Variants in NPAT observed in about 807,000 individuals in gnomAD.
The protein encoded by NPAT is protein NPAT.
In NPAT, 52 loss-of-function variants were observed where a neutral mutation model predicts 130.7. The observed-to-expected ratio is 0.40, with a 90% CI of 0.32 to 0.50. NPAT has a LOEUF of 0.50. Ranked by LOEUF, NPAT falls within the 20% of genes least tolerant of loss-of-function variation. The pLI, the probability that NPAT is intolerant of heterozygous loss-of-function variation, is 0.68. For missense variants in NPAT, 1,687 were observed against 1,662.6 expected (o/e 1.01, Z -0.26); for synonymous variants, 580 against 584.8 (o/e 0.99, Z 0.12).
At chr11:108,168,656 T>C (rs1436990019) in intron 15 of NPAT, among the ~76,000 whole-genome samples, 1 of 152,192 alleles carries the variant, frequency 6.6e-6, no homozygotes, top group African/African-American at 2.4e-5. Context: ...AATATCCACC[T>C]CAGCCACCGC....
At chr11:108,192,000 G>T in intron 4 of NPAT, 118 bp downstream of exon 4, 1 of 776,072 alleles carries the variant, frequency 1.3e-6, no homozygotes, top group African/African-American at 1.7e-5. Context: ...GCAACCTCTA[G>T]AGTAATTTCA....
chr11:108,221,517 G>C (rs906866037), intron 1 of NPAT, among the ~76,000 whole-genome samples: 1 of 152,182 alleles, frequency 6.6e-6, no homozygotes, highest in Non-Finnish European at 1.5e-5. Flanking sequence ...TGCTTATCAA[G>C]AGCCCTGCGC....
At chr11:108,181,242 T>A (rs2078055343) in intron 10 of NPAT, among the ~76,000 whole-genome samples, 1 of 152,172 alleles carries the variant, frequency 6.6e-6, no homozygotes, top group African/African-American at 2.4e-5. Flanking sequence ...GGCGGGCAGA[T>A]CACCCGAGGT....
rs576907082 is a variant in NPAT, at chr11:108,188,125, C to G, written c.611G>C (p.Ser204Thr). 1 of 1,612,420 alleles carries G rather than the reference C, an allele frequency of 6.2e-7. No individual in the cohort carries two copies. The highest frequency in any genetic ancestry group is 1.1e-5 in the South Asian group (1 of 91,036). The change falls in exon 7 of 18, where the codon AGT becomes ACT. Residue 204 changes from serine to threonine, a missense_variant. Ser to Thr is a moderately conservative substitution (Grantham distance 58). This residue lies in a region of NPAT where 307 missense variants were observed against 298.9 expected (regional missense o/e 1.03). Coordinates refer to ENST00000278612, the MANE Select transcript of NPAT (RefSeq NM_002519.3). ...PGAQEKKAHA[S>T]LMSPGRRKSE... ...TTTGCGTCTACCGGGAGACATTAAA[C>G]TGGCATGTGCTTTCTTTTCCTGAGC...
At chr11:108,188,003 C>T (rs576276611) in intron 7 of NPAT, 95 bp downstream of exon 7, 8 of 842,242 alleles carry the variant, frequency 9.5e-6, no homozygotes, top group Middle Eastern at 2.3e-4. Context: ...TAATCTGGTC[C>T]TATTAGTTTA....
chr11:108,203,426 C>T (rs1425074980), intron 1 of NPAT, among the ~76,000 whole-genome samples: 1 of 152,146 alleles, frequency 6.6e-6, no homozygotes, highest in African/African-American at 2.4e-5. Context: ...CTTCTTTCTA[C>T]TCCTATGGCA....
rs1383157888 is a variant in NPAT at position 108,160,910 on chromosome 11, T to C, written c.4176A>G (p.Ser1392=). Residue 1392 remains serine (S), a synonymous_variant, in exon 17 of 18, where the codon TCA becomes TCG. Transcript: ENST00000278612. ...SRPSSKNLTN[S]SIPMKKKKIK... ...TTTTCTTCTTTTTCATTGGTATTGA[T>C]GAATTTGTAAGATTTTTACTAGAAG... The C allele has an allele frequency of 1.9e-6, 3 of 1,614,064 alleles. No homozygotes were observed. Among genetic ancestry groups the C allele is most frequent in the Non-Finnish European group, 2.5e-6 (3 of 1,179,982 alleles).
intron 14 of NPAT, 29 bp downstream of exon 14, chr11:108,169,899 C>A: frequency 6.2e-7 from 1 of 1,608,166 alleles, no homozygotes; most frequent in Non-Finnish European, 8.5e-7. Flanking sequence ...AAAAGCATCA[C>A]CACACCATTT....
intron 13 of NPAT, 148 bp from the exon 14 acceptor site, chr11:108,170,191 CA>C (rs2077937612): frequency 2.0e-6 from 1 of 506,364 alleles, no homozygotes; most frequent in African/African-American, 2.0e-5. Context: ...AAAAACAAAA[CA>C]AAACAAAACA....
intron 1 of NPAT, among the ~76,000 whole-genome samples, chr11:108,206,897 A>T (rs886610443): frequency 6.6e-6 from 1 of 151,208 alleles, no homozygotes; most frequent in Non-Finnish European, 1.5e-5. Context: ...CCCCACGAGT[A>T]TCCAGCTCTC....
intron 1 of NPAT, among the ~76,000 whole-genome samples, chr11:108,203,685 C>G (rs1230638786): frequency 3.9e-5 from 6 of 152,176 alleles, no homozygotes; most frequent in Non-Finnish European, 8.8e-5. Flanking sequence ...GCCAAGGACC[C>G]CTTAATCCTG....
chr11:108,221,606 G>A (rs1204111755), intron 1 of NPAT, among the ~76,000 whole-genome samples: 1 of 152,210 alleles, frequency 6.6e-6, no homozygotes, highest in African/African-American at 2.4e-5. Flanking sequence ...TAAAATAATA[G>A]TAGTAATGGC....
chr11:108,221,170 A>C (rs1484110333), intron 1 of NPAT, among the ~76,000 whole-genome samples: 3 of 152,154 alleles, frequency 2.0e-5, no homozygotes, highest in African/African-American at 7.2e-5. Context: ...AGACATTTTC[A>C]CTGATCACAA....
At chr11:108,167,210 C>T (rs992971996) in intron 15 of NPAT, among the ~76,000 whole-genome samples, 1 of 152,112 alleles carries the variant, frequency 6.6e-6, no homozygotes, top group African/African-American at 2.4e-5. Context: ...CAAATCTTTA[C>T]ACCTATCTCT....
intron 1 of NPAT, among the ~76,000 whole-genome samples, chr11:108,212,061 T>C (rs1183233594): frequency 1.3e-5 from 2 of 150,672 alleles, no homozygotes; most frequent in Non-Finnish European, 1.5e-5. Flanking sequence ...CTCAACCTCA[T>C]AGAGTTATCT....
chr11:108,184,489 T>G (rs1227918632), intron 10 of NPAT, among the ~76,000 whole-genome samples: 1 of 149,844 alleles, frequency 6.7e-6, no homozygotes, highest in Non-Finnish European at 1.5e-5. Flanking sequence ...AAAAAAGTCT[T>G]GTTCATTTTA....
chr11:108,199,466 A>C (rs2078254609), intron 1 of NPAT, among the ~76,000 whole-genome samples: 1 of 152,190 alleles, frequency 6.6e-6, no homozygotes, highest in African/African-American at 2.4e-5. Flanking sequence ...GCGGCACTGA[A>C]TGGATCCTGT....
At position 108,192,187 on chromosome 11, in the gene NPAT, G is replaced by A. The variant is rs2078176418; in HGVS notation, c.221C>T (p.Thr74Ile). The A allele has an allele frequency of 1.9e-6, 3 of 1,596,194 alleles. No homozygotes were observed. Among genetic ancestry groups the A allele is most frequent in the East Asian group, 4.5e-5 (2 of 44,674 alleles). Residue 74 changes from threonine (T) to isoleucine (I), a missense_variant, in exon 4 of 18, where the codon ACA becomes ATA. Physicochemically the swap from Thr to Ile is moderately conservative, Grantham distance 89. This residue lies in a region of NPAT where 307 missense variants were observed against 298.9 expected (regional missense o/e 1.03). Coordinates refer to ENST00000278612, the MANE Select transcript of NPAT (RefSeq NM_002519.3). ...CATTATTGCTGGGACATTATTTGAT[G>A]TTTCTAAATCATAGGAGAAAAGGTT... ...NEYVAMKTKE[T>I]SNNVPAIMSS...
intron 13 of NPAT, chr11:108,171,274 C>A (rs1591389115): frequency 6.6e-6 from 1 of 151,370 alleles, no homozygotes; most frequent in Non-Finnish European, 1.5e-5. Context: ...ATTACAGGTG[C>A]CCACCACCAT....
Sources: allele counts gnomAD v4.1 joint callset (sites outside exome capture counted in the v4.1 genomes callset), GRCh38; gene constraint gnomAD v4.1.1; regional missense constraint gnomAD v4.1.1; transcripts MANE v1.5; gene names NCBI Gene and HGNC (gene_info 2026-07-23, HGNC 2026-07-21).